The following RBFOX1 variants were observed in gnomAD, a reference collection of about 807,000 sequenced individuals.
RBFOX1 encodes RNA binding protein fox-1 homolog 1.
RBFOX1 carries 8 observed loss-of-function variants against 57.7 expected under a neutral mutation model. That is an observed-to-expected ratio of 0.14 (90% confidence interval 0.08 to 0.25). RBFOX1 has a LOEUF of 0.25. Ranked by LOEUF, RBFOX1 falls within the 10% of genes least tolerant of loss-of-function variation. The pLI is 1.00. For missense variants in RBFOX1, 611 were observed against 548.5 expected, an observed-to-expected ratio of 1.11 and a Z score of -1.14; for synonymous variants, 326 against 222.4, an observed-to-expected ratio of 1.47 and a Z score of -4.15.
At chr16:6,571,000 A>G (rs2097337277) in intron 2 of RBFOX1, among the ~76,000 whole-genome samples, 2 of 152,132 alleles carry the variant, frequency 1.3e-5, no homozygotes, top group Non-Finnish European at 2.9e-5. Context: ...TACTAAATAT[A>G]GACTCCTGTG....
At chr16:6,461,311 T>C (rs1055629768) in intron 2 of RBFOX1, among the ~76,000 whole-genome samples, 1 of 152,172 alleles carries the variant, frequency 6.6e-6, no homozygotes, top group Non-Finnish European at 1.5e-5. Flanking sequence ...GATTAGAGCC[T>C]ACCCTTATGG....
chr16:6,416,398 G>A (rs2093625297), intron 2 of RBFOX1, among the ~76,000 whole-genome samples: 1 of 152,136 alleles, frequency 6.6e-6, no homozygotes, highest in Non-Finnish European at 1.5e-5. Context: ...TGGGGAAATG[G>A]CCACAATGAT....
chr16:6,145,034 CTT>C (rs570876700), intron 1 of RBFOX1, among the ~76,000 whole-genome samples: 1 of 148,502 alleles, frequency 6.7e-6, no homozygotes, highest in Non-Finnish European at 1.5e-5. Context: ...CATAGTATCT[CTT>C]TTTTTTTTAA....
intron 2 of RBFOX1, among the ~76,000 whole-genome samples, chr16:5,515,415 G>C (rs1433739414): frequency 6.6e-6 from 1 of 152,208 alleles, no homozygotes; most frequent in Non-Finnish European, 1.5e-5. Flanking sequence ...CCTCTGAGAG[G>C]GGGCAGATTG....
intron 3 of RBFOX1, among the ~76,000 whole-genome samples, chr16:6,903,916 T>C (rs779317796): frequency 6.6e-6 from 1 of 151,938 alleles, no homozygotes; most frequent in Non-Finnish European, 1.5e-5. Context: ...CCAGGGAGGA[T>C]GTTTAGTAAT....
chr16:7,242,379 G>A (rs2094111340), intron 4 of RBFOX1, among the ~76,000 whole-genome samples: 2 of 152,178 alleles, frequency 1.3e-5, no homozygotes, highest in Admixed American at 6.5e-5. Context: ...CCACATGACA[G>A]CTGTGTGAGC....
At chr16:7,218,708 C>T (rs1260879298) in intron 4 of RBFOX1, among the ~76,000 whole-genome samples, 6 of 136,720 alleles carry the variant, frequency 4.4e-5, no homozygotes, top group African/African-American at 1.7e-4. Flanking sequence ...GGCTGTGAGA[C>T]TTTGGTAAGT....
At chr16:7,103,579 C>T (rs1354815021) in intron 4 of RBFOX1, among the ~76,000 whole-genome samples, 1 of 152,074 alleles carries the variant, frequency 6.6e-6, no homozygotes, top group Non-Finnish European at 1.5e-5. Flanking sequence ...ATCTACACAC[C>T]AAGATGCTAA....
chr16:5,665,256 C>G (rs1041218986), intron 3 of RBFOX1, among the ~76,000 whole-genome samples: 1 of 152,064 alleles, frequency 6.6e-6, no homozygotes, highest in Non-Finnish European at 1.5e-5. Context: ...TGGCCAACCT[C>G]TTTTCTGTCT....
intron 2 of RBFOX1, among the ~76,000 whole-genome samples, chr16:6,623,600 A>G (rs1366902924): frequency 6.7e-6 from 1 of 149,250 alleles, no homozygotes; most frequent in African/African-American, 2.5e-5. Flanking sequence ...CCCCTGCCCC[A>G]CACCCCACAA....
chr16:6,716,031 C>G (rs2064754614), intron 3 of RBFOX1, among the ~76,000 whole-genome samples: 1 of 151,904 alleles, frequency 6.6e-6, no homozygotes, highest in African/African-American at 2.4e-5. Context: ...AAAGAAGCCA[C>G]TTACGGTTTT....
chr16:6,466,848 T>A (rs1212318182), intron 2 of RBFOX1, among the ~76,000 whole-genome samples: 1 of 152,192 alleles, frequency 6.6e-6, no homozygotes, highest in Non-Finnish European at 1.5e-5. Flanking sequence ...TGATTTCTAG[T>A]CAGAGAGGTG....
intron 1 of RBFOX1, among the ~76,000 whole-genome samples, chr16:5,340,438 GAAAT>G (rs2065007742): frequency 6.6e-6 from 1 of 152,228 alleles, no homozygotes; most frequent in African/African-American, 2.4e-5. Flanking sequence ...TGCTTAGCAA[GAAAT>G]AATTCTATGA....
intron 2 of RBFOX1, among the ~76,000 whole-genome samples, chr16:6,531,776 C>T (rs750664340): frequency 6.6e-5 from 10 of 152,096 alleles, no homozygotes; most frequent in African/African-American, 1.2e-4. Context: ...AATTATCCTT[C>T]GTGTATGAGT....
rs547248758 is a variant in RBFOX1, at chr16:6,720,750, C to G, written c.-16+66100C>G. On this transcript the variant is annotated intron_variant, in intron 3 of 15. Transcript: ENST00000550418. ...ATGATTGGAAACATGAGCTTCATTT[C>G]TGAGTGTGCCACCTTTTTTATTCTT... is the stretch of plus-strand genomic sequence containing the variant. 4.6e-5 allele frequency among the ~76,000 whole-genome samples: 7 copies of G among 152,298 alleles called. No homozygotes were observed. The East Asian group carries it at 5.8e-4, about 13-fold the overall frequency.
At chr16:7,340,496 C>G (rs1008547524) in intron 4 of RBFOX1, among the ~76,000 whole-genome samples, 2 of 152,178 alleles carry the variant, frequency 1.3e-5, no homozygotes, top group African/African-American at 4.8e-5. Context: ...GTCTTCCACT[C>G]GTGTATTTGG....
At chr16:7,542,363 G>T (rs2152475219) in intron 5 of RBFOX1, among the ~76,000 whole-genome samples, 1 of 152,252 alleles carries the variant, frequency 6.6e-6, no homozygotes, top group South Asian at 2.1e-4. Flanking sequence ...ACTTCCTCTT[G>T]ACTTTCCACC....
intron 2 of RBFOX1, among the ~76,000 whole-genome samples, chr16:6,586,690 C>A (rs924950236): frequency 6.6e-6 from 1 of 152,126 alleles, no homozygotes; most frequent in East Asian, 1.9e-4. Context: ...AGCAGGGATA[C>A]GCTTACATCA....
intron 3 of RBFOX1, among the ~76,000 whole-genome samples, chr16:6,780,544 ACATATATATTTACATATT>A (rs1341359550): frequency 1.6e-5 from 2 of 127,746 alleles, no homozygotes; most frequent in East Asian, 2.5e-4. Flanking sequence ...ATATACATTT[ACATATATATTTACATATT>A]TATATATATT....
Sources: gnomAD v4.1 joint callset for allele counts (sites outside exome capture counted in the v4.1 genomes callset) on GRCh38, gnomAD v4.1.1 for gene constraint, MANE v1.5 for transcripts, NCBI Gene and HGNC (gene_info 2026-07-23, HGNC 2026-07-21) for gene names.